The following NELFCD variants were observed in gnomAD, a reference collection of about 807,000 sequenced individuals.
NELFCD encodes negative elongation factor C/D.
In NELFCD, 48 loss-of-function variants were observed where a neutral mutation model predicts 72.9. That is an observed-to-expected ratio of 0.66 (90% CI 0.52 to 0.84). The LOEUF is 0.84. NELFCD is among the 40% of genes least tolerant of loss of function. NELFCD has a pLI of 0.00. For synonymous variants in NELFCD, 297 were observed against 280.6 expected, an observed-to-expected ratio of 1.06 and a Z score of -0.59; for missense variants, 538 against 723.8, an observed-to-expected ratio of 0.74 and a Z score of 2.94.
chr20:58,993,429 TC>T lies in NELFCD; in HGVS notation c.1345-17del, dbSNP rs763478660. On this transcript the variant is annotated intron_variant, in intron 11 of 14. Transcript: ENST00000652272. The surrounding 1 kb of genome is among the most constrained non-coding windows in gnomAD (Gnocchi z 5.0). ...GCGTGACCACACTGCTCAGCGAAGC[TC>T]CCTCTGGCCTGTTTGTAGATCAGCA... 1 of 1,611,584 alleles carries T rather than the reference TC, an allele frequency of 6.2e-7. No individual in the cohort carries two copies. The highest frequency in any genetic ancestry group is 8.5e-7 in the Non-Finnish European group (1 of 1,179,006).
At position 58,986,902 on chromosome 20, in the gene NELFCD, C is replaced by G; in HGVS notation, c.286+39C>G. ...GTCCCCTGTCCTGGCTAGTTACCCC[C>G]ACTTTTTTAAAAATAGACTTTTGGG... On this transcript the variant is annotated intron_variant, in intron 3 of 14. Coordinates refer to ENST00000652272, the MANE Select transcript of NELFCD (RefSeq NM_198976.4). The surrounding 1 kb of genome is among the most constrained non-coding windows in gnomAD (Gnocchi z 4.4). The G allele has an allele frequency of 7.3e-7, 1 of 1,363,600 alleles. No individual in the cohort carries two copies. The highest frequency in any genetic ancestry group is 1.0e-6 in the Non-Finnish European group (1 of 970,124). 84.5% of individuals were successfully genotyped at this position (1,363,600 alleles called of 1,614,324 possible).
intron 7 of NELFCD, chr20:58,990,643 G>C: frequency 5.6e-6 from 2 of 357,602 alleles, no homozygotes; most frequent in South Asian, 1.1e-4. Flanking sequence ...TTACAGTGTC[G>C]CAAAATGAGC....
intron 14 of NELFCD, 136 bp from the exon 15 acceptor site, chr20:58,994,506 G>C: frequency 1.3e-6 from 1 of 761,410 alleles, no homozygotes; most frequent in Non-Finnish European, 2.2e-6. Flanking sequence ...AGGTTGCAGT[G>C]AGCCAAGATC....
At chr20:58,989,358 C>T (rs1367358006) in intron 5 of NELFCD, 130 bp from the exon 6 acceptor site, 7 of 1,035,576 alleles carry the variant, frequency 6.8e-6, no homozygotes, top group East Asian at 2.4e-5. Context: ...AGGGTGAGGG[C>T]GGAGTGAAGG....
chr20:58,991,180 C>A, intron 8 of NELFCD, 105 bp downstream of exon 8: 1 of 1,547,176 alleles, frequency 6.5e-7, no homozygotes, highest in Non-Finnish European at 8.8e-7. Context: ...CCATCATTGT[C>A]CTGGTCCTTC....
At chr20:58,994,591 G>A (rs1391767894) in intron 14 of NELFCD, 51 bp from the exon 15 acceptor site, 3 of 996,872 alleles carry the variant, frequency 3.0e-6, no homozygotes, top group African/African-American at 1.7e-5. Context: ...GAAAGAAAAT[G>A]TCATGTTCTA....
intron 4 of NELFCD, 23 bp downstream of exon 4, chr20:58,987,840 C>T: frequency 2.5e-6 from 4 of 1,584,386 alleles, no homozygotes; most frequent in Non-Finnish European, 3.5e-6. Flanking sequence ...TTTTCTTTGC[C>T]TAGTACCAGG....
chr20:58,991,246 G>C, intron 8 of NELFCD, 66 bp from the exon 9 acceptor site: 1 of 1,606,636 alleles, frequency 6.2e-7, no homozygotes, highest in South Asian at 1.1e-5. Context: ...AGGGAACCCT[G>C]AGGGGAGGTG....
At chr20:58,981,430 G>A (rs1457244623) in intron 1 of NELFCD, 61 bp downstream of exon 1, 6 of 817,890 alleles carry the variant, frequency 7.3e-6, no homozygotes, top group East Asian at 7.9e-5. Flanking sequence ...CCGGCGGGCC[G>A]GCCCCACTCC....
At chr20:58,984,748 GGA>G (rs1387818616) in intron 1 of NELFCD, among the ~76,000 whole-genome samples, 4 of 152,152 alleles carry the variant, frequency 2.6e-5, no homozygotes, top group Admixed American at 6.5e-5. Context: ...GAGGAAAGAC[GGA>G]GAGAGAGATC....
Position 58,993,471 on chromosome 20 carries a change from T to C in NELFCD, c.1367T>C (p.Leu456Pro). 6.2e-7 allele frequency: 1 copy of C among 1,613,984 alleles called. No individual in the cohort carries two copies. Among genetic ancestry groups the C allele is most frequent in the East Asian group, 2.2e-5 (1 of 44,886 alleles). The stretch of plus-strand genomic sequence containing the variant: ...TAGATCAGCACCTGCCACCAGCTCC[T>C]GCACCCCCAGGTCCTGCAGCTGCTT... ...LDEISTCHQL[L>P]HPQVLQLLVK... The change falls in exon 12 of 15, where the codon CTG becomes CCG. Residue 456 changes from leucine (L) to proline (P), a missense_variant. Leu to Pro is a moderately conservative substitution (Grantham distance 98, BLOSUM62 -3). Coordinates refer to ENST00000652272, the MANE Select transcript of NELFCD (RefSeq NM_198976.4). This position sits in a 1 kb window ranked among gnomAD's most constrained non-coding sequence, Gnocchi z 5.0.
Position 58,981,341 on chromosome 20 carries a change from A to G in NELFCD, c.32A>G (p.Glu11Gly). 1 of 1,106,624 alleles carries G rather than the reference A, an allele frequency of 9.0e-7. No individual in the cohort carries two copies. The allele number at this position is 1,106,624 out of a possible 1,614,324, so 68.6% of individuals were successfully genotyped here. The change falls in exon 1 of 15, where the codon GAG becomes GGG. Residue 11 changes from glutamate (E) to glycine (G), a missense_variant. Around this residue, in one of 3 missense-constraint regions of NELFCD, gnomAD observed 47 missense variants for 35.3 expected, o/e 1.33. Transcript: ENST00000652272. MDEDYYGSAAEWGDEADGGQQ... is the reference protein window; with the variant it reads MDEDYYGSAAGWGDEADGGQQ... ...GAGGACTACTACGGGAGCGCGGCCG[A>G]GTGGGGCGACGAGGCTGACGGCGGC...
chr20:58,985,900 C>G (rs1207326665), intron 1 of NELFCD, among the ~76,000 whole-genome samples, 193 bp from the exon 2 acceptor site: 1 of 152,154 alleles, frequency 6.6e-6, no homozygotes, highest in Non-Finnish European at 1.5e-5. Flanking sequence ...CACACCCACT[C>G]AGTGTGATCC....
chr20:58,994,863 C>T lies in NELFCD; in HGVS notation c.*187C>T. ...TGAGAAACTGCCCTTACAAACAGTC[C>T]CTTCTCTGCTGTCAATCCAATACTG... is the stretch of plus-strand genomic sequence containing the variant. On this transcript the variant is annotated 3_prime_UTR_variant, in exon 15 of 15. Coordinates refer to ENST00000652272, the MANE Select transcript of NELFCD (RefSeq NM_198976.4). 1.6e-6 allele frequency: 1 copy of T among 607,232 alleles called. No individual in the cohort carries two copies. Among genetic ancestry groups the T allele is most frequent in the South Asian group, 2.0e-5 (1 of 50,632 alleles). The allele number at this position is 607,232 out of a possible 1,614,324, so 37.6% of individuals were successfully genotyped here.
In NELFCD at chr20:58,994,914, A is replaced by G. The variant is rs1226225247; in HGVS notation, c.*238A>G. The G allele has an allele frequency of 1.5e-5, 8 of 526,444 alleles. No homozygotes were observed. The highest frequency in any genetic ancestry group is 1.1e-4 in the Admixed American group (3 of 27,694). The allele number at this position is 526,444 out of a possible 1,614,324, so 32.6% of individuals were successfully genotyped here. On this transcript the variant is annotated 3_prime_UTR_variant, in exon 15 of 15. Transcript: ENST00000652272. ...CTCCCAAATCCTGTTTTCAGTGTTC[A>G]TTTCCCTCAAGGCAGGCGCTGGGCT...
At chr20:58,992,589 A>G (rs1407754147) in intron 10 of NELFCD, among the ~76,000 whole-genome samples, 1 of 152,176 alleles carries the variant, frequency 6.6e-6, no homozygotes, top group African/African-American at 2.4e-5. Flanking sequence ...ATCCATTCAC[A>G]CTATTTACTA....
intron 10 of NELFCD, 132 bp from the exon 11 acceptor site, chr20:58,992,866 A>C: frequency 3.5e-6 from 2 of 567,506 alleles, no homozygotes; most frequent in Middle Eastern, 4.6e-4. Context: ...AAAAAAAAAA[A>C]GGGTTGGGGG....
At position 58,987,763 on chromosome 20, in the gene NELFCD, G is replaced by T. The variant is rs748892550; in HGVS notation, c.342G>T (p.Leu114=). 10 of 1,614,104 alleles carry T rather than the reference G, an allele frequency of 6.2e-6. No individual in the cohort carries two copies. Among genetic ancestry groups the T allele is most frequent in the Non-Finnish European group, 8.5e-6 (10 of 1,180,050 alleles). ...TGGAAAATCACTTGAAGAGTTTGCTGATCAAACATTTTGACCCCCGCAAAG... is the reference window on the plus strand; with the variant it reads ...TGGAAAATCACTTGAAGAGTTTGCTTATCAAACATTTTGACCCCCGCAAAG... The part of the protein sequence containing the change: ...ETVENHLKSL[L]IKHFDPRKAD... Residue 114 remains leucine (L), a synonymous_variant, in exon 4 of 15, where the codon CTG becomes CTT. Transcript: ENST00000652272.
In NELFCD at chr20:58,986,754, G is replaced by A; in HGVS notation, c.177G>A (p.Arg59=). 3 of 1,592,058 alleles carry A rather than the reference G, an allele frequency of 1.9e-6. No homozygotes were observed. Among genetic ancestry groups the A allele is most frequent in the Non-Finnish European group, 2.6e-6 (3 of 1,160,006 alleles). ...TAATTGCTGTTGTTACTTTCCCTAG[G>A]TATTTTCAGGCAGGAGGGTCTCCAG... ...MEPSIFNTLK[R]YFQAGGSPEN... Residue 59 remains arginine (R), a splice_region_variant and synonymous_variant, in exon 3 of 15, where the codon AGG becomes AGA. Coordinates refer to ENST00000652272, the MANE Select transcript of NELFCD (RefSeq NM_198976.4). This position sits in a 1 kb window ranked among gnomAD's most constrained non-coding sequence, Gnocchi z 4.4.
Sources: allele counts gnomAD v4.1 joint callset (sites outside exome capture counted in the v4.1 genomes callset), GRCh38; gene constraint gnomAD v4.1.1; regional missense constraint gnomAD v4.1.1; non-coding constraint Gnocchi (gnomAD v3.1); transcripts MANE v1.5; gene names NCBI Gene and HGNC (gene_info 2026-07-23, HGNC 2026-07-21).